Variants in MTCH2 observed in about 807,000 individuals in gnomAD.
MTCH2 encodes the protein mitochondrial carrier homolog 2.
A neutral mutation model predicts 50.6 loss-of-function variants in MTCH2; 25 were observed. The ratio of observed to expected loss-of-function variants is 0.49; its 90% CI spans 0.36 to 0.69. The LOEUF (loss-of-function observed/expected upper bound fraction) is 0.69, where lower values mean the gene tolerates loss of function less well. MTCH2 is among the 30% of genes least tolerant of loss of function. The pLI is 0.00. For missense variants in MTCH2, 273 were observed against 384.4 expected (o/e 0.71, Z 2.42); for synonymous variants, 106 against 132.0 (o/e 0.80, Z 1.35).
At chr11:47,634,531 T>C (rs1033477403) in intron 5 of MTCH2, 141 bp downstream of exon 5, 1 of 603,628 alleles carries the variant, frequency 1.7e-6, no homozygotes, top group Non-Finnish European at 2.9e-6. Context: ...GTTATACATG[T>C]AGTAAAGCCC....
chr11:47,630,450 A>G, intron 8 of MTCH2, 105 bp downstream of exon 8: 2 of 1,026,798 alleles, frequency 1.9e-6, no homozygotes, highest in South Asian at 2.6e-5. Flanking sequence ...AGGTAAGCCC[A>G]GGGAGTACGT....
intron 8 of MTCH2, among the ~76,000 whole-genome samples, chr11:47,630,301 C>T (rs2097301875): frequency 6.6e-6 from 1 of 152,114 alleles, no homozygotes; most frequent in African/African-American, 2.4e-5. Context: ...GCCACCACGC[C>T]CGGCCTCAAA....
chr11:47,608,815 G>A, the MTCH2 span, among the ~76,000 whole-genome samples: 3 of 151,888 alleles, frequency 2.0e-5, no homozygotes, highest in Non-Finnish European at 2.9e-5. Flanking sequence ...AAAATTAGCC[G>A]GGCGTGGTGG....
intron 1 of MTCH2, among the ~76,000 whole-genome samples, chr11:47,639,388 T>C (rs1042689435): frequency 6.6e-6 from 1 of 152,246 alleles, no homozygotes; most frequent in Non-Finnish European, 1.5e-5. Context: ...AAATAAAATC[T>C]AAGGCACATT....
chr11:47,618,734 T>A lies in MTCH2; in HGVS notation c.*99A>T. 3.3e-6 allele frequency: 4 copies of A among 1,214,762 alleles called. No individual in the cohort carries two copies. Among genetic ancestry groups the A allele is most frequent in the Non-Finnish European group, 4.8e-6 (4 of 836,352 alleles). 75.2% of individuals were successfully genotyped at this position (1,214,762 alleles called of 1,614,324 possible). A position where few individuals can be genotyped will look rare whatever the true frequency, so the allele number is the denominator to read the frequency against. On this transcript the variant is annotated 3_prime_UTR_variant, in exon 13 of 13. Coordinates refer to ENST00000302503, the MANE Select transcript of MTCH2 (RefSeq NM_014342.4). The stretch of plus-strand genomic sequence containing the variant: ...CTGAATTTTCCCAAGATTAAATGAT[T>A]ATTAAAAAAGCGCGCCACACTGTAT...
At chr11:47,605,750 C>T in the MTCH2 span, among the ~76,000 whole-genome samples, 53,101 of 152,066 alleles carry the variant, frequency 0.35, 10,447 homozygotes, top group South Asian at 0.51. Flanking sequence ...CTACTAGCCT[C>T]TTCAATCGTG....
At chr11:47,621,783 C>G (rs962414340) in intron 12 of MTCH2, among the ~76,000 whole-genome samples, 11 of 151,820 alleles carry the variant, frequency 7.2e-5, no homozygotes, top group African/African-American at 2.7e-4. Context: ...CCAGGCTGGC[C>G]TCAAACTCCT....
At chr11:47,638,300 G>GA (rs2097310484) in intron 3 of MTCH2, among the ~76,000 whole-genome samples, 1 of 147,324 alleles carries the variant, frequency 6.8e-6, no homozygotes, top group African/African-American at 2.5e-5. Flanking sequence ...GGTGGCTCAT[G>GA]CTTGTAATCC....
At chr11:47,617,167 T>C (rs1351293112), downstream of MTCH2, 1 of 152,226 alleles carries the variant, frequency 6.6e-6, no homozygotes, top group Non-Finnish European at 1.5e-5. Context: ...TCCTAGGCCT[T>C]GGAGAAATTT....
At chr11:47,631,156 C>G in intron 6 of MTCH2, 69 bp from the exon 7 acceptor site, 1 of 1,349,180 alleles carries the variant, frequency 7.4e-7, no homozygotes, top group Non-Finnish European at 1.1e-6. Flanking sequence ...CACCTGTAAT[C>G]CCAGCACTTT....
rs1181339669 is a variant in MTCH2, at chr11:47,639,699, G to A, written c.88-648C>T. On this transcript the variant is annotated intron_variant, in intron 1 of 12. Coordinates refer to ENST00000302503, the MANE Select transcript of MTCH2 (RefSeq NM_014342.4). ...ACTAGAACTAAAAAATTAGCCGGGC[G>A]TAGGGGCGGGCGCCTGTAATCTCAG... 3.3e-5 allele frequency among the ~76,000 whole-genome samples: 5 copies of A among 151,896 alleles called. No individual in the cohort carries two copies. In the South Asian group the frequency reaches 8.3e-4, roughly 25 times the overall value.
chr11:47,610,696 C>T, the MTCH2 span, among the ~76,000 whole-genome samples: 1 of 152,176 alleles, frequency 6.6e-6, no homozygotes, highest in Non-Finnish European at 1.5e-5. Context: ...AAGGGCAAAA[C>T]TCCGTCTCAA....
chr11:47,612,464 G>T (rs1362878721), downstream of MTCH2, among the ~76,000 whole-genome samples: 2 of 151,984 alleles, frequency 1.3e-5, no homozygotes, highest in East Asian at 3.9e-4. Flanking sequence ...GCTACTTGGG[G>T]GCTGACGCAG....
chr11:47,630,856 GCTA>G (rs2153799715), intron 7 of MTCH2, among the ~76,000 whole-genome samples, 177 bp downstream of exon 7: 1 of 152,154 alleles, frequency 6.6e-6, no homozygotes, highest in South Asian at 2.1e-4. Flanking sequence ...TCCTACGTAG[GCTA>G]CTAAACCTGC....
intron 11 of MTCH2, 59 bp downstream of exon 11, chr11:47,625,615 G>A: frequency 1.9e-6 from 2 of 1,044,242 alleles, no homozygotes; most frequent in South Asian, 2.4e-5. Flanking sequence ...CTACAAGGCT[G>A]CTCCGCCTGT....
At position 47,625,884 on chromosome 11, in the gene MTCH2, TAC is replaced by T. The variant is rs570037624; in HGVS notation, c.682-145_682-144del. ...ATCGGTACCCTGGAAAGACAACAGT[TAC>T]AGTTTTGAGCCTGGAGATGCTTCTT... On this transcript the variant is annotated intron_variant, in intron 10 of 12. Coordinates refer to ENST00000302503, the MANE Select transcript of MTCH2 (RefSeq NM_014342.4). The T allele has an allele frequency of 1.7e-3, 957 of 573,964 alleles. 9 individuals are homozygous for T. In the African/African-American group the frequency reaches 0.017, roughly 10 times the overall value. 35.6% of individuals were successfully genotyped at this position (573,964 alleles called of 1,614,324 possible). A position where few individuals can be genotyped will look rare whatever the true frequency, so the allele number is the denominator to read the frequency against.
At chr11:47,604,832 T>C in the MTCH2 span, among the ~76,000 whole-genome samples, 1 of 152,140 alleles carries the variant, frequency 6.6e-6, no homozygotes, top group Non-Finnish European at 1.5e-5. Flanking sequence ...AAAGCATGCA[T>C]TTGCTTATGT....
intron 5 of MTCH2, among the ~76,000 whole-genome samples, chr11:47,633,077 G>C (rs2097304694): frequency 6.6e-6 from 1 of 150,906 alleles, no homozygotes; most frequent in African/African-American, 2.4e-5. Context: ...GGCAAACTAA[G>C]GAAAATACTA....
chr11:47,622,324 T>C (rs775193019), intron 12 of MTCH2, among the ~76,000 whole-genome samples: 5 of 152,162 alleles, frequency 3.3e-5, no homozygotes, highest in Admixed American at 2.0e-4. Context: ...AATACCACTG[T>C]GACAAATAAG....
Sources: allele counts gnomAD v4.1 joint callset (sites outside exome capture counted in the v4.1 genomes callset), GRCh38; gene constraint gnomAD v4.1.1; transcripts MANE v1.5; gene names NCBI Gene and HGNC (gene_info 2026-07-23, HGNC 2026-07-21).